Variants in FMNL2 observed in about 807,000 individuals in gnomAD.
The protein encoded by FMNL2 is formin-like protein 2.
A neutral mutation model predicts 130.2 loss-of-function variants in FMNL2; 51 were observed. The ratio of observed to expected loss-of-function variants is 0.39; its 90% CI spans 0.31 to 0.49. The LOEUF (loss-of-function observed/expected upper bound fraction) is 0.49. Among genes scored for constraint, FMNL2 ranks in the 20% least tolerant of loss-of-function variants. The pLI is 0.85. For synonymous variants in FMNL2, 465 were observed against 467.1 expected, an observed-to-expected ratio of 1.00 and a Z score of 0.06; for missense variants, 977 against 1,316.2, an observed-to-expected ratio of 0.74 and a Z score of 3.99.
rs1384266837 is a variant in FMNL2, at chr2:152,611,544, T to C, written c.1001T>C (p.Met334Thr). 3 of 1,603,196 alleles carry C rather than the reference T, an allele frequency of 1.9e-6. No individual in the cohort carries two copies. Among genetic ancestry groups the C allele is most frequent in the Admixed American group, 1.7e-5 (1 of 58,678 alleles). Residue 334 changes from methionine to threonine, a missense_variant, in exon 11 of 26, where the codon ATG becomes ACG. Physicochemically the swap from Met to Thr is moderately conservative, Grantham distance 81. Coordinates refer to ENST00000288670, the MANE Select transcript of FMNL2 (RefSeq NM_052905.4). ...INIVVHSVEDMNFRVHLQYEF... is the reference protein window; with the variant it reads ...INIVVHSVEDTNFRVHLQYEF... ...ATTGTAGTCCATTCAGTAGAAGATA[T>C]GAATTTCAGAGTTCACCTGCAGTAT...
At chr2:152,547,823 C>T (rs1694726904) in intron 3 of FMNL2, among the ~76,000 whole-genome samples, 1 of 152,180 alleles carries the variant, frequency 6.6e-6, no homozygotes, top group African/African-American at 2.4e-5. Flanking sequence ...AACAGTGTGA[C>T]ATAAAGGTGG....
At chr2:152,464,456 T>C (rs1179035510) in intron 1 of FMNL2, among the ~76,000 whole-genome samples, 2 of 152,218 alleles carry the variant, frequency 1.3e-5, no homozygotes, top group Non-Finnish European at 1.5e-5. Flanking sequence ...TCTCTCTAGC[T>C]CCTCAGGAAT....
At chr2:152,370,959 C>T (rs557524756) in intron 1 of FMNL2, among the ~76,000 whole-genome samples, 2 of 152,130 alleles carry the variant, frequency 1.3e-5, no homozygotes, top group African/African-American at 4.8e-5. Context: ...AGAGGTGTCT[C>T]GCTGATGTAG....
At chr2:152,583,051 A>G (rs944627214) in intron 9 of FMNL2, among the ~76,000 whole-genome samples, 2 of 152,066 alleles carry the variant, frequency 1.3e-5, no homozygotes, top group African/African-American at 2.4e-5. Context: ...TTGAGTTTTA[A>G]CTCTTTGGTG....
At chr2:152,621,276 G>A (rs982948521) in intron 15 of FMNL2, among the ~76,000 whole-genome samples, 2 of 152,154 alleles carry the variant, frequency 1.3e-5, no homozygotes, top group African/African-American at 4.8e-5. Context: ...CCACGCACCT[G>A]AGCACTAACA....
intron 23 of FMNL2, 69 bp downstream of exon 23, chr2:152,637,743 C>T (rs1226220206): frequency 1.1e-5 from 16 of 1,396,310 alleles, no homozygotes; most frequent in Non-Finnish European, 4.0e-6. Context: ...GTCTGAGTCC[C>T]AACTCTCTGC....
At chr2:152,432,362 G>A (rs1026602379) in intron 1 of FMNL2, among the ~76,000 whole-genome samples, 1 of 152,156 alleles carries the variant, frequency 6.6e-6, no homozygotes, top group Admixed American at 6.5e-5. Flanking sequence ...CAGAGCGGAA[G>A]CATTGTGAAA....
chr2:152,480,388 T>C (rs570521759), intron 1 of FMNL2, among the ~76,000 whole-genome samples: 1 of 152,170 alleles, frequency 6.6e-6, no homozygotes, highest in African/African-American at 2.4e-5. Context: ...CCCAGCACTT[T>C]GGGAGGCCGA....
chr2:152,622,408 GT>G (rs1681404076), intron 15 of FMNL2: 1 of 447,700 alleles, frequency 2.2e-6, no homozygotes, highest in Admixed American at 2.4e-5. Context: ...TTTTGGCTCT[GT>G]GCCGCCTTGT....
chr2:152,468,604 TTA>T (rs1346163117), intron 1 of FMNL2, among the ~76,000 whole-genome samples: 21 of 152,374 alleles, frequency 1.4e-4, no homozygotes, highest in African/African-American at 5.1e-4. Context: ...ATTAATAATT[TTA>T]TGTTGGTTAC....
At chr2:152,615,096 G>C in intron 12 of FMNL2, 96 bp downstream of exon 12, 2 of 1,402,004 alleles carry the variant, frequency 1.4e-6, no homozygotes, top group South Asian at 2.5e-5. Flanking sequence ...TTAAGGATTT[G>C]GAGTATAGGA....
intron 1 of FMNL2, among the ~76,000 whole-genome samples, chr2:152,500,226 A>G (rs1172089945): frequency 6.6e-6 from 1 of 152,180 alleles, no homozygotes. Flanking sequence ...TGCCCCACCA[A>G]GAGAGCAGGA....
intron 2 of FMNL2, among the ~76,000 whole-genome samples, chr2:152,536,502 T>C (rs1191225031): frequency 6.6e-6 from 1 of 152,200 alleles, no homozygotes; most frequent in Non-Finnish European, 1.5e-5. Flanking sequence ...CATTCAAGTG[T>C]AGTGACATTA....
intron 1 of FMNL2, among the ~76,000 whole-genome samples, chr2:152,511,532 A>G (rs1692496250): frequency 1.3e-5 from 2 of 152,216 alleles, no homozygotes; most frequent in Non-Finnish European, 1.5e-5. Flanking sequence ...ACAAAAGCAT[A>G]ATCTTTCTCT....
intron 1 of FMNL2, among the ~76,000 whole-genome samples, chr2:152,488,049 G>T (rs1001132056): frequency 6.6e-6 from 1 of 152,044 alleles, no homozygotes; most frequent in Non-Finnish European, 1.5e-5. Flanking sequence ...CAAAGTGCTG[G>T]GATTACAGGT....
chr2:152,445,856 A>C (rs1230653065), intron 1 of FMNL2, among the ~76,000 whole-genome samples: 1 of 152,210 alleles, frequency 6.6e-6, no homozygotes, highest in Non-Finnish European at 1.5e-5. Flanking sequence ...GTTCCGGGTC[A>C]GCTGGTTGAC....
At chr2:152,562,512 C>T (rs556609285) in intron 6 of FMNL2, among the ~76,000 whole-genome samples, 1 of 152,254 alleles carries the variant, frequency 6.6e-6, no homozygotes, top group African/African-American at 2.4e-5. Flanking sequence ...AAGTTAAGTT[C>T]TGCTGAAGGA....
At chr2:152,435,194 A>G (rs1166123765) in intron 1 of FMNL2, among the ~76,000 whole-genome samples, 1 of 152,140 alleles carries the variant, frequency 6.6e-6, no homozygotes, top group Non-Finnish European at 1.5e-5. Context: ...GTTTAAGGGA[A>G]AATGAGGCCA....
At chr2:152,544,271 GGTGGCAGGCACCT>G (rs1694494002) in intron 3 of FMNL2, among the ~76,000 whole-genome samples, 1 of 152,076 alleles carries the variant, frequency 6.6e-6, no homozygotes, top group African/African-American at 2.4e-5. Flanking sequence ...AGCCAGGCAT[GGTGGCAGGCACCT>G]GTAATCCCAG....
Sources: allele counts gnomAD v4.1 joint callset (sites outside exome capture counted in the v4.1 genomes callset), GRCh38; gene constraint gnomAD v4.1.1; transcripts MANE v1.5; gene names NCBI Gene and HGNC (gene_info 2026-07-23, HGNC 2026-07-21).